TPR: variants seen among roughly 807,000 people sequenced by gnomAD.
TPR encodes translocated promoter region, nuclear basket protein.
A neutral mutation model predicts 316.1 loss-of-function variants in TPR; 51 were observed. The observed-to-expected ratio is 0.16, with a 90% confidence interval of 0.13 to 0.20. The LOEUF (loss-of-function observed/expected upper bound fraction) is 0.20. TPR is among the 10% of genes least tolerant of loss of function. TPR has a pLI of 1.00. For synonymous variants in TPR, 981 were observed against 914.7 expected, an observed-to-expected ratio of 1.07 and a Z score of -1.31; for missense variants, 2,272 against 2,754.8, an observed-to-expected ratio of 0.82 and a Z score of 3.92.
chr1:186,351,020 T>C (rs1207698362), intron 20 of TPR, among the ~76,000 whole-genome samples: 1 of 152,210 alleles, frequency 6.6e-6, no homozygotes, highest in Non-Finnish European at 1.5e-5. Context: ...CACACTGCTC[T>C]GGGCCCACCT....
Position 186,320,414 on chromosome 1 carries a change from G to T in TPR, c.6466C>A (p.Pro2156Thr), listed in dbSNP as rs762734805. The T allele has an allele frequency of 1.2e-6, 2 of 1,607,596 alleles. No homozygotes were observed. Among genetic ancestry groups the T allele is most frequent in the Non-Finnish European group, 1.7e-6 (2 of 1,176,418 alleles). ...TDGFAEAIHS[P>T]QVAGVPRFRF... The stretch of plus-strand genomic sequence containing the variant: ...AATCTAGGGACACCAGCAACCTGCG[G>T]CGAACTAAATGGACAAAAACTAATT... Residue 2156 changes from proline (P) to threonine (T), a missense_variant, in exon 46 of 51, where the codon CCG (proline) becomes ACG (threonine). Coordinates refer to ENST00000367478, the MANE Select transcript of TPR (RefSeq NM_003292.3).
chr1:186,363,370 T>C lies in TPR; in HGVS notation c.503A>G (p.Glu168Gly), dbSNP rs1013607506. Residue 168 changes from glutamate (E) to glycine (G), a missense_variant, in exon 5 of 51, where the codon GAA becomes GGA. Physicochemically the swap from Glu to Gly is moderately conservative, Grantham distance 98. Transcript: ENST00000367478. ...TKGELQLKLD[E>G]LQASDVSVKY... Reference sequence around the variant, plus strand: ...AACAGAAACATCAGAAGCTTGAAGTTCATCCAATTTTAACTGAAGTTCACC... The same window carrying C: ...AACAGAAACATCAGAAGCTTGAAGTCCATCCAATTTTAACTGAAGTTCACC... 14 of 1,612,768 alleles carry C rather than the reference T, an allele frequency of 8.7e-6. No individual in the cohort carries two copies. Among genetic ancestry groups the C allele is most frequent in the Non-Finnish European group, 1.2e-5 (14 of 1,179,124 alleles).
chr1:186,337,848 T>C (rs1197715462), intron 31 of TPR, among the ~76,000 whole-genome samples, 185 bp downstream of exon 31: 1 of 152,072 alleles, frequency 6.6e-6, no homozygotes, highest in Non-Finnish European at 1.5e-5. Flanking sequence ...ATCTAGTATT[T>C]ACCAAAATTT....
rs1439780173 is a variant in TPR at position 186,360,751 on chromosome 1, T to G, written c.1099+14A>C. 6.2e-7 allele frequency: 1 copy of G among 1,611,952 alleles called. No homozygotes were observed. The highest frequency in any genetic ancestry group is 1.3e-5 in the African/African-American group (1 of 74,960). On this transcript the variant is annotated intron_variant, in intron 10 of 50. Coordinates refer to ENST00000367478, the MANE Select transcript of TPR (RefSeq NM_003292.3). The stretch of plus-strand genomic sequence containing the variant: ...TAGTATTTCAACTCACTAACAAGCA[T>G]CTATTAGCCATACCTTTACGTTTTG...
At chr1:186,330,435 T>C (rs2102062728) in intron 39 of TPR, among the ~76,000 whole-genome samples, 1 of 152,236 alleles carries the variant, frequency 6.6e-6, no homozygotes, top group Non-Finnish European at 1.5e-5. Context: ...TGTCTTTGTG[T>C]CCTGTAGTTC....
chr1:186,320,217 T>A, intron 46 of TPR, 95 bp downstream of exon 46: 4 of 1,035,810 alleles, frequency 3.9e-6, no homozygotes, highest in South Asian at 4.3e-5. Context: ...TTTAAAAATA[T>A]TCATATTTGC....
chr1:186,325,586 C>A lies in TPR; in HGVS notation c.6112+178G>T, dbSNP rs1437058126. ...GGCAGAAAAGAGTATAATGACAGCA[C>A]CTAACAATCATAAATATAGTAGACT... On this transcript the variant is annotated intron_variant, in intron 42 of 50. Transcript: ENST00000367478. 1.4e-5 allele frequency: 7 copies of A among 501,656 alleles called. No individual in the cohort carries two copies. The South Asian group carries it at 2.9e-4, about 21-fold the overall frequency. The allele number at this position is 501,656 out of a possible 1,614,324, so 31.1% of individuals were successfully genotyped here. A position where few individuals can be genotyped will look rare whatever the true frequency, so the allele number is the denominator to read the frequency against.
rs752645027 is a variant in TPR at position 186,322,419 on chromosome 1, CAAAG to C, written c.6367-11_6367-8del. ...CATCAAAAAAATGCTGTTGCTAAAA[CAAAG>C]AAAACAGAGTTAACAAACAAAACAC... is the stretch of plus-strand genomic sequence containing the variant. On this transcript the variant is annotated splice_polypyrimidine_tract_variant and splice_region_variant and intron_variant, in intron 44 of 50. Transcript: ENST00000367478. 3.1e-6 allele frequency: 5 copies of C among 1,612,066 alleles called. No homozygotes were observed. The highest frequency in any genetic ancestry group is 4.2e-6 in the Non-Finnish European group (5 of 1,179,358).
At chr1:186,372,979 T>C (rs963869468) in intron 2 of TPR, among the ~76,000 whole-genome samples, 1 of 152,336 alleles carries the variant, frequency 6.6e-6, no homozygotes, top group African/African-American at 2.4e-5. Flanking sequence ...TCTACTTCTT[T>C]AGTTGCATAA....
chr1:186,327,933 C>T (rs1321095221), intron 39 of TPR, among the ~76,000 whole-genome samples: 1 of 151,890 alleles, frequency 6.6e-6, no homozygotes, highest in African/African-American at 2.4e-5. Context: ...TAGGCACCAC[C>T]CCACGAAGTC....
chr1:186,350,195 A>C, intron 21 of TPR, 28 bp downstream of exon 21: 1 of 1,564,914 alleles, frequency 6.4e-7, no homozygotes, highest in Non-Finnish European at 8.6e-7. Context: ...TTTATTTACA[A>C]TTATATTGGT....
At position 186,371,017 on chromosome 1, in the gene TPR, T is replaced by G. The variant is rs763570889; in HGVS notation, c.283A>C (p.Lys95Gln). ...LNNQLKALTE[K>Q]NKELEIAQDR... is the part of the protein sequence containing the mutation. ...TGAGCAATTTCAAGTTCTTTGTTTTTCTCAGTTAGTGCCTTCAGTTGATTG... is the reference window on the plus strand; with the variant it reads ...TGAGCAATTTCAAGTTCTTTGTTTTGCTCAGTTAGTGCCTTCAGTTGATTG... The change falls in exon 3 of 51, where the codon AAA becomes CAA. Residue 95 changes from lysine (K) to glutamine (Q), a missense_variant. Coordinates refer to ENST00000367478, the MANE Select transcript of TPR (RefSeq NM_003292.3). 3 of 1,613,070 alleles carry G rather than the reference T, an allele frequency of 1.9e-6. No homozygotes were observed. Among genetic ancestry groups the G allele is most frequent in the Non-Finnish European group, 2.5e-6 (3 of 1,179,470 alleles).
intron 21 of TPR, among the ~76,000 whole-genome samples, chr1:186,349,379 C>T (rs1412764357): frequency 3.3e-5 from 5 of 152,080 alleles, no homozygotes; most frequent in East Asian, 1.9e-4. Context: ...ACTGGCTGGG[C>T]GCTGTGGCTT....
intron 27 of TPR, chr1:186,342,489 T>G (rs1003279724): frequency 2.6e-5 from 4 of 152,244 alleles, no homozygotes; most frequent in Non-Finnish European, 5.9e-5. Context: ...AAGTATTAAC[T>G]CTATTGAACT....
rs1659592095 is a variant in TPR at position 186,373,392 on chromosome 1, A to G, written c.223T>C (p.Cys75Arg). ...QERLVNETRE[C>R]QSLRLELEKL... ...TCTAGCTCAAGCCGCAAGCTTTGAC[A>G]CTCTCGGGTTTCATTCACAAGTCTC... The change falls in exon 2 of 51, where the codon TGT becomes CGT. Residue 75 changes from cysteine to arginine, a missense_variant. Physicochemically the swap from Cys to Arg is radical, Grantham distance 180 (BLOSUM62 -3). This residue lies in a region of TPR where 549 missense variants were observed against 598.6 expected (regional missense o/e 0.92). Coordinates refer to ENST00000367478, the MANE Select transcript of TPR (RefSeq NM_003292.3). 6.2e-7 allele frequency: 1 copy of G among 1,613,468 alleles called. No individual in the cohort carries two copies. Among genetic ancestry groups the G allele is most frequent in the Non-Finnish European group, 8.5e-7 (1 of 1,179,678 alleles).
At chr1:186,343,158 C>T in intron 27 of TPR, 168 bp downstream of exon 27, 1 of 790,050 alleles carries the variant, frequency 1.3e-6, no homozygotes, top group East Asian at 3.1e-5. Flanking sequence ...AGAGCCTTTA[C>T]TTTTAAGCAC....
chr1:186,361,872 GA>G lies in TPR; in HGVS notation c.790-4del. 1 of 1,610,998 alleles carries G rather than the reference GA, an allele frequency of 6.2e-7. No individual in the cohort carries two copies. Among genetic ancestry groups the G allele is most frequent in the Non-Finnish European group, 8.5e-7 (1 of 1,178,416 alleles). On this transcript the variant is annotated splice_polypyrimidine_tract_variant and splice_region_variant and intron_variant, in intron 7 of 50. Transcript: ENST00000367478. ...ATACTGGCCTGTTGTTCCTTGGCCT[GA>G]AAAAAATAGCCCAATTATAGCAGTC...
At chr1:186,337,514 T>C (rs553559497) in intron 31 of TPR, among the ~76,000 whole-genome samples, 60 of 152,128 alleles carry the variant, frequency 3.9e-4, no homozygotes, top group African/African-American at 1.4e-3. Flanking sequence ...GATACTAATG[T>C]ACTAATAGTG....
At position 186,319,189 on chromosome 1, in the gene TPR, A is replaced by G. The variant is rs1657698863; in HGVS notation, c.6569-361T>C. 2.0e-5 allele frequency among the ~76,000 whole-genome samples: 3 copies of G among 151,980 alleles called. No individual in the cohort carries two copies. In the South Asian group the frequency reaches 6.2e-4, roughly 32 times the overall value. On this transcript the variant is annotated intron_variant, in intron 46 of 50. Coordinates refer to ENST00000367478, the MANE Select transcript of TPR (RefSeq NM_003292.3). ...TGTAGAGACAGGGGTCAGTCTTGTT[A>G]TGTTGTCAAGGCTGCACCTGAACTC...
Sources: gnomAD v4.1 joint callset for allele counts (sites outside exome capture counted in the v4.1 genomes callset) on GRCh38, gnomAD v4.1.1 for gene constraint, gnomAD v4.1.1 regional missense constraint, MANE v1.5 for transcripts, NCBI Gene and HGNC (gene_info 2026-07-23, HGNC 2026-07-21) for gene names.